The following FER variants were observed in gnomAD, a reference collection of about 807,000 sequenced individuals.
The protein encoded by FER is FER tyrosine kinase.
In FER, 63 loss-of-function variants were observed where a neutral mutation model predicts 111.0. The ratio of observed to expected loss-of-function variants is 0.57; its 90% CI spans 0.46 to 0.70. FER has a LOEUF of 0.70. FER is among the 30% of genes least tolerant of loss of function. FER has a pLI of 0.00. For missense variants in FER, 914 were observed against 954.0 expected, an observed-to-expected ratio of 0.96 and a Z score of 0.55; for synonymous variants, 327 against 313.9, an observed-to-expected ratio of 1.04 and a Z score of -0.44.
intron 5 of FER, chr5:108,842,210 C>G (rs1358097985): frequency 3.9e-5 from 6 of 153,710 alleles, no homozygotes; most frequent in Non-Finnish European, 5.8e-5. Flanking sequence ...ATCATTCAAA[C>G]CAGTTGATAG....
intron 16 of FER, among the ~76,000 whole-genome samples, chr5:109,060,079 A>G (rs553017312): frequency 6.6e-6 from 1 of 152,220 alleles, no homozygotes; most frequent in African/African-American, 2.4e-5. Context: ...ACTACACGTT[A>G]TATGATTCCA....
chr5:108,845,020 A>G (rs866501352), intron 5 of FER, among the ~76,000 whole-genome samples: 36 of 52,110 alleles, frequency 6.9e-4, no homozygotes, highest in African/African-American at 1.5e-3. Context: ...ATATATATAT[A>G]TATATATATA....
At chr5:108,972,572 A>T (rs531070619) in intron 13 of FER, among the ~76,000 whole-genome samples, 2 of 152,090 alleles carry the variant, frequency 1.3e-5, no homozygotes, top group African/African-American at 2.4e-5. Context: ...TTAGTTTTGT[A>T]TATCTGACGT....
intron 2 of FER, among the ~76,000 whole-genome samples, chr5:108,788,241 G>A (rs756735284): frequency 2.0e-5 from 3 of 152,200 alleles, no homozygotes; most frequent in Admixed American, 6.5e-5. Context: ...CAGAGCCAGC[G>A]CCTGTGCTGG....
intron 5 of FER, among the ~76,000 whole-genome samples, chr5:108,864,267 G>C (rs1763812558): frequency 6.6e-6 from 1 of 152,174 alleles, no homozygotes; most frequent in Admixed American, 6.5e-5. Context: ...ATACAAGTCT[G>C]CCAGAAGGTT....
At chr5:109,160,982 A>G (rs1755930923) in intron 17 of FER, among the ~76,000 whole-genome samples, 1 of 152,280 alleles carries the variant, frequency 6.6e-6, no homozygotes, top group Non-Finnish European at 1.5e-5. Flanking sequence ...TCTTAGCATA[A>G]TGACCTTTTT....
At chr5:108,860,687 A>G (rs187994195) in intron 5 of FER, among the ~76,000 whole-genome samples, 2 of 152,242 alleles carry the variant, frequency 1.3e-5, no homozygotes, top group Admixed American at 1.3e-4. Flanking sequence ...TGTGCCTAGG[A>G]TAGCGAGTGT....
intron 9 of FER, among the ~76,000 whole-genome samples, chr5:108,892,693 T>C (rs1333706495): frequency 6.6e-6 from 1 of 152,238 alleles, no homozygotes; most frequent in African/African-American, 2.4e-5. Flanking sequence ...TTGTCAATTT[T>C]GGCTTTTGTT....
intron 1 of FER, among the ~76,000 whole-genome samples, chr5:108,752,404 A>G (rs1200935681): frequency 6.6e-6 from 1 of 152,052 alleles, no homozygotes; most frequent in Non-Finnish European, 1.5e-5. Flanking sequence ...TTGAGATTTT[A>G]TGGTTTTCAT....
At chr5:109,172,553 G>T (rs568663004) in intron 17 of FER, among the ~76,000 whole-genome samples, 170 of 149,688 alleles carry the variant, frequency 1.1e-3, no homozygotes, top group African/African-American at 4.1e-3. Flanking sequence ...GTTACTGGGT[G>T]CAGCACACCA....
intron 13 of FER, among the ~76,000 whole-genome samples, chr5:109,002,448 C>G (rs1209934460): frequency 1.3e-5 from 2 of 151,720 alleles, no homozygotes; most frequent in Admixed American, 6.6e-5. Context: ...GGATCCCTTC[C>G]TTATACCTTA....
chr5:108,781,677 G>T (rs1184174634), intron 2 of FER, among the ~76,000 whole-genome samples: 2 of 152,010 alleles, frequency 1.3e-5, no homozygotes, highest in Non-Finnish European at 2.9e-5. Context: ...TGTGTCTCTG[G>T]GTGTGACCTT....
At chr5:108,822,732 T>C (rs907552788) in intron 3 of FER, among the ~76,000 whole-genome samples, 1 of 137,924 alleles carries the variant, frequency 7.3e-6, no homozygotes, top group Non-Finnish European at 1.5e-5. Flanking sequence ...TATTTTATTT[T>C]ATTTTATTTT....
At chr5:109,105,230 TTGTGTGTGTGTG>T (rs72106747) in intron 17 of FER, among the ~76,000 whole-genome samples, 3,651 of 138,632 alleles carry the variant, frequency 0.026, 69 homozygotes, top group South Asian at 0.081. Context: ...CAGCTTATAT[TTGTGTGTGTGTG>T]TGTGTGTGTG....
intron 10 of FER, among the ~76,000 whole-genome samples, chr5:108,925,750 G>C (rs1753650235): frequency 6.6e-6 from 1 of 151,988 alleles, no homozygotes; most frequent in Admixed American, 6.5e-5. Flanking sequence ...TTTGGGTTAT[G>C]GTGTTCCAAA....
At chr5:108,834,505 C>T (rs1187586394) in intron 4 of FER, among the ~76,000 whole-genome samples, 1 of 151,922 alleles carries the variant, frequency 6.6e-6, no homozygotes, top group Non-Finnish European at 1.5e-5. Context: ...CAAGACCAGC[C>T]TGGGCAACAC....
chr5:109,182,250 C>T (rs915843287), intron 18 of FER, among the ~76,000 whole-genome samples: 4 of 152,106 alleles, frequency 2.6e-5, no homozygotes, highest in African/African-American at 9.7e-5. Context: ...CCAGATAAAG[C>T]TTTTGAATGT....
intron 14 of FER, among the ~76,000 whole-genome samples, chr5:109,038,684 C>G (rs73213510): frequency 9.9e-4 from 150 of 151,934 alleles, no homozygotes; most frequent in African/African-American, 3.4e-3. Context: ...TTTCTTCTTT[C>G]CCTTGCTCTA....
At chr5:108,843,798 A>AT (rs1362913042) in intron 5 of FER, among the ~76,000 whole-genome samples, 1 of 152,012 alleles carries the variant, frequency 6.6e-6, no homozygotes, top group African/African-American at 2.4e-5. Context: ...AAGTGCTAGG[A>AT]TTACAGGTGT....
Sources: gnomAD v4.1 joint callset for allele counts (sites outside exome capture counted in the v4.1 genomes callset) on GRCh38, gnomAD v4.1.1 for gene constraint, MANE v1.5 for transcripts, NCBI Gene and HGNC (gene_info 2026-07-23, HGNC 2026-07-21) for gene names.